The following TMEM181 variants were observed in gnomAD, a reference collection of about 807,000 sequenced individuals.
TMEM181 encodes transmembrane protein 181.
Under a neutral mutation model 71.9 loss-of-function variants are expected in TMEM181, and 39 were observed. That is an observed-to-expected ratio of 0.54 (90% CI 0.42 to 0.71). TMEM181 has a LOEUF of 0.71. TMEM181 is among the 30% of genes least tolerant of loss of function. The pLI, the probability that TMEM181 is intolerant of heterozygous loss-of-function variation, is 0.00. For synonymous variants in TMEM181, 245 were observed against 228.8 expected, an observed-to-expected ratio of 1.07 and a Z score of -0.64; for missense variants, 595 against 583.0, an observed-to-expected ratio of 1.02 and a Z score of -0.21.
rs948020747 is a variant in TMEM181 at position 158,611,977 on chromosome 6, C to CG, written c.896+3227_896+3228insG. Among the ~76,000 whole-genome samples the CG allele has an allele frequency of 1.5e-4, 9 of 61,054 alleles. No individual in the cohort carries two copies. The East Asian group carries it at 3.3e-3, about 23-fold the overall frequency. The allele number at this position is 61,054 out of a possible 152,430, so 40.1% of individuals were successfully genotyped here. ...ACAACTCCCTGCAGCTGCAGGGATA[C>CG]CCCCCCCACCTCCTAGTCTGCTTTT... On this transcript the variant is annotated intron_variant, in intron 10 of 16. Transcript: ENST00000684151.
chr6:158,568,073 C>A (rs1044526490), intron 1 of TMEM181, among the ~76,000 whole-genome samples: 1 of 151,756 alleles, frequency 6.6e-6, no homozygotes, highest in East Asian at 1.9e-4. Flanking sequence ...GTGGGACTGG[C>A]GTGCTGGGGA....
chr6:158,582,183 G>A (rs945650258), intron 3 of TMEM181, among the ~76,000 whole-genome samples: 3 of 152,060 alleles, frequency 2.0e-5, no homozygotes, highest in Non-Finnish European at 2.9e-5. Context: ...CACTGTTGGC[G>A]TGATGATCTG....
intron 14 of TMEM181, among the ~76,000 whole-genome samples, chr6:158,629,435 C>G (rs1342760475): frequency 6.6e-6 from 1 of 152,150 alleles, no homozygotes; most frequent in Admixed American, 6.5e-5. Context: ...TCTCTTCTGG[C>G]CCTGCCCTCG....
chr6:158,548,136 A>G (rs1562614067), intron 1 of TMEM181, among the ~76,000 whole-genome samples: 1 of 152,126 alleles, frequency 6.6e-6, no homozygotes, highest in Non-Finnish European at 1.5e-5. Context: ...CAAGGGTGAC[A>G]GTGACTAGAC....
At chr6:158,625,561 A>C (rs1786226833) in intron 12 of TMEM181, 142 bp from the exon 13 acceptor site, 2 of 729,002 alleles carry the variant, frequency 2.7e-6, no homozygotes, top group Non-Finnish European at 4.5e-6. Context: ...ACGTTCTCCT[A>C]GGCTGCTGGC....
At chr6:158,628,982 G>T (rs755083975) in intron 14 of TMEM181, among the ~76,000 whole-genome samples, 19 of 152,228 alleles carry the variant, frequency 1.2e-4, no homozygotes, top group Non-Finnish European at 2.8e-4. Context: ...GGGTATGACA[G>T]TTGTGGCAGG....
At chr6:158,606,164 C>T (rs1468703112) in intron 7 of TMEM181, among the ~76,000 whole-genome samples, 1 of 150,188 alleles carries the variant, frequency 6.7e-6, no homozygotes, top group Non-Finnish European at 1.5e-5. Context: ...GAGGGAAGGG[C>T]GTGGGCGCTA....
rs1331927636 is a variant in TMEM181, at chr6:158,633,998, G to A, written c.*2110G>A. The A allele has an allele frequency of 1.3e-5, 2 of 152,112 alleles. No individual in the cohort carries two copies. Among genetic ancestry groups the A allele is most frequent in the African/African-American group, 4.8e-5 (2 of 41,408 alleles). The allele number at this position is 152,112 out of a possible 1,614,324, so 9.4% of individuals were successfully genotyped here. A position where few individuals can be genotyped will look rare whatever the true frequency, so the allele number is the denominator to read the frequency against. The stretch of plus-strand genomic sequence containing the variant: ...TATCAGTAAATGTAAAATATTTGAG[G>A]CATTTAGCCATACACACACTAGAAC... On this transcript the variant is annotated 3_prime_UTR_variant, in exon 17 of 17. Transcript: ENST00000684151.
At chr6:158,572,783 T>C (rs1041829063) in intron 1 of TMEM181, among the ~76,000 whole-genome samples, 1 of 152,176 alleles carries the variant, frequency 6.6e-6, no homozygotes, top group African/African-American at 2.4e-5. Context: ...CACAGAAACC[T>C]GCACGGCAAG....
chr6:158,559,604 C>CG (rs1782036895), upstream of TMEM181, among the ~76,000 whole-genome samples: 1 of 152,196 alleles, frequency 6.6e-6, no homozygotes, highest in African/African-American at 2.4e-5. Context: ...AAGCGGCTTG[C>CG]GGGAGAAGCT....
chr6:158,629,856 G>A, intron 15 of TMEM181, 37 bp downstream of exon 15: 1 of 1,561,018 alleles, frequency 6.4e-7, no homozygotes, highest in Non-Finnish European at 8.8e-7. Flanking sequence ...TGGCCAGTTA[G>A]CGGGCACAGA....
chr6:158,615,996 A>G (rs1328703372), intron 10 of TMEM181, among the ~76,000 whole-genome samples: 4 of 151,864 alleles, frequency 2.6e-5, no homozygotes, highest in Admixed American at 6.6e-5. Context: ...TAAACTTTAA[A>G]GTAGTTTTTT....
At chr6:158,546,537 C>T (rs1562613193) in intron 1 of TMEM181, among the ~76,000 whole-genome samples, 1 of 152,228 alleles carries the variant, frequency 6.6e-6, no homozygotes, top group Non-Finnish European at 1.5e-5. Flanking sequence ...GGAGCTGAAA[C>T]TGAACCCCAG....
chr6:158,610,972 C>A, intron 10 of TMEM181: 1 of 412,626 alleles, frequency 2.4e-6, no homozygotes. Flanking sequence ...ATCTCCAGAT[C>A]AGACCAGTTG....
chr6:158,591,998 G>A (rs549275079), intron 6 of TMEM181, among the ~76,000 whole-genome samples: 3 of 152,326 alleles, frequency 2.0e-5, no homozygotes, highest in African/African-American at 7.2e-5. Context: ...TGGTTCAAAA[G>A]ACGTTACCAT....
intron 13 of TMEM181, among the ~76,000 whole-genome samples, 163 bp downstream of exon 13, chr6:158,625,917 C>T (rs1786249450): frequency 6.6e-6 from 1 of 152,184 alleles, no homozygotes; most frequent in Non-Finnish European, 1.5e-5. Flanking sequence ...CGAGAGCAGC[C>T]GTCAGCCTGG....
At chr6:158,581,029 GGGTGCATTATAAACCTCA>G (rs1379928854) in intron 3 of TMEM181, 34 bp downstream of exon 3, 1 of 1,592,682 alleles carries the variant, frequency 6.3e-7, no homozygotes, top group South Asian at 1.1e-5. Context: ...CTGGGTGGTG[GGGTGCATTATAAACCTCA>G]GGTCACTGAG....
chr6:158,625,677 T>C lies in TMEM181; in HGVS notation c.1058-26T>C, dbSNP rs759466777. The C allele has an allele frequency of 2.5e-5, 40 of 1,587,096 alleles. 1 individual carries two copies. The African/African-American group carries it at 4.0e-4, about 16-fold the overall frequency. On this transcript the variant is annotated intron_variant, in intron 12 of 16. Coordinates refer to ENST00000684151, the MANE Select transcript of TMEM181 (RefSeq NM_001376852.1). ...TGCAAGTGGAATTTACTTCCAGAGT[T>C]GTTAATGAGTTTCTTTCTTTTTCAG... is the stretch of plus-strand genomic sequence containing the variant.
chr6:158,562,325 CG>C (rs1782228330), intron 1 of TMEM181, among the ~76,000 whole-genome samples: 1 of 152,122 alleles, frequency 6.6e-6, no homozygotes, highest in Non-Finnish European at 1.5e-5. Flanking sequence ...CGGTGTGGGG[CG>C]TCTCATTTGC....
Sources: allele counts gnomAD v4.1 joint callset (sites outside exome capture counted in the v4.1 genomes callset), GRCh38; gene constraint gnomAD v4.1.1; transcripts MANE v1.5; gene names NCBI Gene and HGNC (gene_info 2026-07-23, HGNC 2026-07-21).